The following NOTCH2 variants were observed in gnomAD, a reference collection of about 807,000 sequenced individuals.
NOTCH2 encodes the protein notch receptor 2.
Under a neutral mutation model 235.8 loss-of-function variants are expected in NOTCH2, and 29 were observed. That is an observed-to-expected ratio of 0.12 (90% CI 0.09 to 0.17). NOTCH2 has a LOEUF of 0.17. NOTCH2 is among the 10% of genes least tolerant of loss of function. NOTCH2 has a pLI of 1.00. For synonymous variants in NOTCH2, 1,086 were observed against 1,141.5 expected, an observed-to-expected ratio of 0.95 and a Z score of 0.98; for missense variants, 2,285 against 3,150.2, an observed-to-expected ratio of 0.73 and a Z score of 6.57.
rs1398498978 is a variant in NOTCH2 at position 119,915,256 on chromosome 1, A to C, written c.*50T>G. On this transcript the variant is annotated 3_prime_UTR_variant, in exon 34 of 34. Coordinates refer to ENST00000256646, the MANE Select transcript of NOTCH2 (RefSeq NM_024408.4). ...CCCGGATGACCTTCATTTGTTCCTCAGCAGCATTTACAAAAGTCAGTTATG... is the reference window on the plus strand; with the variant it reads ...CCCGGATGACCTTCATTTGTTCCTCCGCAGCATTTACAAAAGTCAGTTATG... The C allele has an allele frequency of 6.3e-7, 1 of 1,577,394 alleles. No individual in the cohort carries two copies. Among genetic ancestry groups the C allele is most frequent in the East Asian group, 2.2e-5 (1 of 44,716 alleles).
At chr1:119,977,903 G>A (rs74115507) in intron 5 of NOTCH2, among the ~76,000 whole-genome samples, 1,868 of 152,214 alleles carry the variant, frequency 0.012, 34 homozygotes, top group African/African-American at 0.041. Context: ...AACACAATGT[G>A]CCAGGCTCTG....
At position 119,925,405 on chromosome 1, in the gene NOTCH2, G is replaced by A; in HGVS notation, c.4411C>T (p.Pro1471Ser). Residue 1471 changes from proline (P) to serine (S), a missense_variant, in exon 25 of 34, where the codon CCC becomes TCC. Pro to Ser is a moderately conservative substitution (Grantham distance 74). This residue lies in a region of NOTCH2 where 1,173 missense variants were observed against 1,515.3 expected (regional missense o/e 0.77). Coordinates refer to ENST00000256646, the MANE Select transcript of NOTCH2 (RefSeq NM_024408.4). The part of the protein sequence containing the change: ...NPWANCSSPL[P>S]CWDYINNQCD... ...TGGTTGTTGATATAATCCCAGCAGG[G>A]AAGTGGGGAGGAGCAGTTGGCCCAG... 1.2e-6 allele frequency: 2 copies of A among 1,614,206 alleles called. No individual in the cohort carries two copies. Among genetic ancestry groups the A allele is most frequent in the Non-Finnish European group, 1.7e-6 (2 of 1,180,020 alleles).
rs1553202285 is a variant in NOTCH2, at chr1:119,986,941, T to C, written c.874+19A>G. 3.1e-6 allele frequency: 5 copies of C among 1,613,290 alleles called. No homozygotes were observed. Among genetic ancestry groups the C allele is most frequent in the Non-Finnish European group, 1.7e-6 (2 of 1,179,474 alleles). ...CCAATCCATATCCCATTCTGGTGGATTCTCCACACTGTACATACCTGTCCA... is the reference window on the plus strand; with the variant it reads ...CCAATCCATATCCCATTCTGGTGGACTCTCCACACTGTACATACCTGTCCA... On this transcript the variant is annotated intron_variant, in intron 5 of 33. Transcript: ENST00000256646.
intron 5 of NOTCH2, among the ~76,000 whole-genome samples, chr1:119,972,391 T>A (rs1651399908): frequency 6.6e-6 from 1 of 152,110 alleles, no homozygotes; most frequent in Non-Finnish European, 1.5e-5. Context: ...AATTGCTGAG[T>A]CTCATCTATT....
At chr1:120,010,675 ACTGG>A (rs1653154483) in intron 2 of NOTCH2, among the ~76,000 whole-genome samples, 1 of 152,188 alleles carries the variant, frequency 6.6e-6, no homozygotes. Context: ...AAGTGAAATT[ACTGG>A]CTGACTACTT....
chr1:120,014,752 C>A (rs1190027628), intron 2 of NOTCH2, among the ~76,000 whole-genome samples: 2 of 114,286 alleles, frequency 1.7e-5, no homozygotes, highest in Non-Finnish European at 3.6e-5. Flanking sequence ...CCTAGTAATA[C>A]AGGACAGAAA....
At chr1:119,959,211 A>G (rs1557822317) in intron 12 of NOTCH2, among the ~76,000 whole-genome samples, 181 bp downstream of exon 12, 1 of 152,242 alleles carries the variant, frequency 6.6e-6, no homozygotes, top group East Asian at 1.9e-4. Flanking sequence ...AATGAAAAGT[A>G]TGTTTCAGTT....
chr1:119,935,228 T>A, intron 22 of NOTCH2: 1 of 1,400,078 alleles, frequency 7.1e-7, no homozygotes, highest in Non-Finnish European at 9.3e-7. Context: ...CCTTCCATAT[T>A]CTGTGTTTCA....
rs1270171648 is a variant in NOTCH2 at position 119,921,916 on chromosome 1, G to C, written c.5214-107C>G. 3 of 983,690 alleles carry C rather than the reference G, an allele frequency of 3.0e-6. No homozygotes were observed. In the African/African-American group the frequency reaches 4.8e-5, roughly 16 times the overall value. The allele number at this position is 983,690 out of a possible 1,614,324, so 60.9% of individuals were successfully genotyped here. A position where few individuals can be genotyped will look rare whatever the true frequency, so the allele number is the denominator to read the frequency against. On this transcript the variant is annotated intron_variant, in intron 28 of 33. Coordinates refer to ENST00000256646, the MANE Select transcript of NOTCH2 (RefSeq NM_024408.4). Reference sequence around the variant, plus strand: ...ACTCCCGTGGCTATATTACAATTTTGCAGGGTCTTGGCCCAGAGAAGATGG... The same window carrying C: ...ACTCCCGTGGCTATATTACAATTTTCCAGGGTCTTGGCCCAGAGAAGATGG...
intron 22 of NOTCH2, among the ~76,000 whole-genome samples, chr1:119,934,541 C>T (rs1649779754): frequency 6.6e-6 from 1 of 152,142 alleles, no homozygotes; most frequent in Admixed American, 6.5e-5. Context: ...GACTGTTTCT[C>T]CTTAGTTTTC....
rs2101142086 is a variant in NOTCH2 at position 119,915,676 on chromosome 1, G to A, written c.7046C>T (p.Pro2349Leu). 4 of 1,613,308 alleles carry A rather than the reference G, an allele frequency of 2.5e-6. No homozygotes were observed. The highest frequency in any genetic ancestry group is 3.4e-6 in the Non-Finnish European group (4 of 1,179,534). ...CATGGCAGTGGGGAAAGCCACACTG[G>A]GCAAACGGGCCATTTCTGGAATCTG... is the stretch of plus-strand genomic sequence containing the variant. Reference protein sequence around the residue: ...MYQIPEMARLPSVAFPTAMMP... With the variant: ...MYQIPEMARLLSVAFPTAMMP... Residue 2349 changes from proline (P) to leucine (L), a missense_variant, in exon 34 of 34, where the codon CCC (proline) becomes CTC (leucine). Pro to Leu is a moderately conservative substitution (Grantham distance 98). This residue lies in a region of NOTCH2 where 504 missense variants were observed against 538.0 expected (regional missense o/e 0.94). Transcript: ENST00000256646.
chr1:120,017,863 T>C (rs1252344192), intron 2 of NOTCH2, among the ~76,000 whole-genome samples: 1 of 151,724 alleles, frequency 6.6e-6, no homozygotes, highest in African/African-American at 2.4e-5. Flanking sequence ...TCATCGGTTG[T>C]TGATAAAAGA....
In NOTCH2 at chr1:119,929,034, G is replaced by A. The variant is rs782369516; in HGVS notation, c.3834C>T (p.Ser1278=). 1 of 1,614,112 alleles carries A rather than the reference G, an allele frequency of 6.2e-7. No homozygotes were observed. Among genetic ancestry groups the A allele is most frequent in the Non-Finnish European group, 8.5e-7 (1 of 1,180,014 alleles). The change falls in exon 23 of 34, where the codon AGC becomes AGT. Residue 1278 remains serine, a synonymous_variant. Transcript: ENST00000256646. The stretch of plus-strand genomic sequence containing the variant: ...CATTGGTGAGCTGTATACAGTCCAG[G>A]CTGCCCTCAGAGCTGCAGGGGTTGG... The part of the protein sequence containing the change: ...CLSNPCSSEG[S]LDCIQLTNDY...
chr1:119,923,849 A>G lies in NOTCH2; in HGVS notation c.4647T>C (p.Ile1549=), dbSNP rs1396873392. 1.9e-6 allele frequency: 3 copies of G among 1,614,064 alleles called. No homozygotes were observed. In the African/African-American group the frequency reaches 4.0e-5, roughly 22 times the overall value. Residue 1549 remains isoleucine, a synonymous_variant, in exon 26 of 34, where the codon ATT becomes ATC. Transcript: ENST00000256646. ...GTTGTTCAGGTGGCATCAATACCAC[A>G]ATAACCAGGGTACCTTCTGCCAGGT... ...PENLAEGTLV[I]VVLMPPEQLL...
chr1:119,997,031 A>G lies in NOTCH2; in HGVS notation c.717T>C (p.Thr239=), dbSNP rs377144560. ...PCVNGGTCRQ[T]GDFTFECNCL... ...AGTTGCACTCAAAAGTGAAGTCACC[A>G]GTCTGCCGACAGGTGCCTCCATTGA... is the stretch of plus-strand genomic sequence containing the variant. The change falls in exon 4 of 34, where the codon ACT becomes ACC. Residue 239 remains threonine (T), a synonymous_variant. Transcript: ENST00000256646. The G allele has an allele frequency of 3.7e-6, 6 of 1,613,894 alleles. No homozygotes were observed. The African/African-American group carries it at 8.0e-5, about 22-fold the overall frequency.
chr1:119,962,020 T>C (rs1553199033), intron 11 of NOTCH2, among the ~76,000 whole-genome samples: 1 of 152,210 alleles, frequency 6.6e-6, no homozygotes, highest in Non-Finnish European at 1.5e-5. Flanking sequence ...TGTCTGACCG[T>C]TGCTTGCTTT....
At chr1:120,038,198 C>A (rs1488156789) in intron 1 of NOTCH2, among the ~76,000 whole-genome samples, 3 of 152,132 alleles carry the variant, frequency 2.0e-5, no homozygotes, top group Non-Finnish European at 4.4e-5. Context: ...GGAGATGAGA[C>A]TAATGTATTC....
At chr1:119,924,778 T>C (rs929800138) in intron 25 of NOTCH2, among the ~76,000 whole-genome samples, 3 of 152,208 alleles carry the variant, frequency 2.0e-5, no homozygotes, top group African/African-American at 7.2e-5. Context: ...CTATGCCTCG[T>C]GAGTTGCTGA....
chr1:120,011,098 G>T (rs1653173029), intron 2 of NOTCH2, among the ~76,000 whole-genome samples: 1 of 152,148 alleles, frequency 6.6e-6, no homozygotes, highest in Non-Finnish European at 1.5e-5. Flanking sequence ...GATTAGTGTT[G>T]CCAGGAGCTG....
Sources: allele counts gnomAD v4.1 joint callset (sites outside exome capture counted in the v4.1 genomes callset), GRCh38; gene constraint gnomAD v4.1.1; regional missense constraint gnomAD v4.1.1; transcripts MANE v1.5; gene names NCBI Gene and HGNC (gene_info 2026-07-23, HGNC 2026-07-21).